Variants in BLTP2 observed in about 807,000 individuals in gnomAD.
BLTP2 encodes bridge-like lipid transfer protein family member 2, also known as U937-associated antigen.
chr17:28,615,355 T>C, the BLTP2 span: 3 of 961,206 alleles, frequency 3.1e-6, no homozygotes, highest in Non-Finnish European at 3.1e-6. Context: ...CAAGGCACAA[T>C]GGGGCAATTC....
chr17:28,638,029 G>A, the BLTP2 span: 11 of 1,614,044 alleles, frequency 6.8e-6, no homozygotes, highest in Non-Finnish European at 9.3e-6. Context: ...GTCCTCGAAT[G>A]GTACAATCAA....
the BLTP2 span, chr17:28,638,524 C>G: frequency 6.2e-7 from 1 of 1,606,438 alleles, no homozygotes; most frequent in Non-Finnish European, 8.5e-7. Flanking sequence ...AGAGCCTTAC[C>G]CAGAGAGATA....
chr17:28,645,127 C>T, the BLTP2 span: 2 of 1,339,890 alleles, frequency 1.5e-6, no homozygotes, highest in Non-Finnish European at 2.0e-6. Flanking sequence ...ATCCGCGCAG[C>T]ACCGCCGCGG....
the BLTP2 span, chr17:28,640,512 C>A: frequency 6.2e-7 from 1 of 1,606,298 alleles, no homozygotes; most frequent in Non-Finnish European, 8.5e-7. Context: ...TACCAACATA[C>A]AGCTCCCACT....
chr17:28,645,107 C>T, the BLTP2 span: 3 of 1,521,822 alleles, frequency 2.0e-6, no homozygotes, highest in Admixed American at 4.0e-5. Flanking sequence ...ATGCCGGGCC[C>T]CGACGCCGGA....
At chr17:28,637,931 G>C in the BLTP2 span, 17 of 1,614,204 alleles carry the variant, frequency 1.1e-5, no homozygotes, top group African/African-American at 1.9e-4. Context: ...AGAGTGCCTA[G>C]AGACAGCTGA....
At chr17:28,616,762 GA>G in the BLTP2 span, 1 of 1,613,544 alleles carries the variant, frequency 6.2e-7, no homozygotes, top group Non-Finnish European at 8.5e-7. The surrounding 1 kb of genome is among the most constrained non-coding windows in gnomAD (Gnocchi z 4.8). Flanking sequence ...ACCTAAAAAG[GA>G]AAAAGATTCA....
the BLTP2 span, chr17:28,638,026 A>T: frequency 6.2e-7 from 1 of 1,614,204 alleles, no homozygotes; most frequent in Non-Finnish European, 8.5e-7. Context: ...GAAGTCCTCG[A>T]ATGGTACAAT....
chr17:28,631,799 G>C, the BLTP2 span: 5 of 1,609,564 alleles, frequency 3.1e-6, 1 homozygote, highest in South Asian at 5.5e-5. Flanking sequence ...TAGGAGAAAT[G>C]AAAGGAGTCT....
the BLTP2 span, chr17:28,637,288 T>C: frequency 2.5e-6 from 2 of 796,488 alleles, no homozygotes; most frequent in Non-Finnish European, 2.1e-6. Context: ...CTCCCTAAGT[T>C]CATTTCTTAG....
At chr17:28,642,469 G>A in the BLTP2 span, 2 of 715,774 alleles carry the variant, frequency 2.8e-6, no homozygotes, top group South Asian at 3.1e-5. Flanking sequence ...GACTAACACG[G>A]TGAAACCTCA....
the BLTP2 span, chr17:28,634,087 C>T: frequency 6.2e-7 from 1 of 1,613,874 alleles, no homozygotes; most frequent in Non-Finnish European, 8.5e-7. Context: ...CTGATCCGAA[C>T]TGTTACCAGA....
the BLTP2 span, among the ~76,000 whole-genome samples, chr17:28,641,276 T>A: frequency 6.6e-6 from 1 of 152,214 alleles, no homozygotes; most frequent in Non-Finnish European, 1.5e-5. Context: ...ACTGTATTTA[T>A]TGAAAAAAAT....
chr17:28,631,766 GA>G, the BLTP2 span: 1 of 1,603,600 alleles, frequency 6.2e-7, no homozygotes. Flanking sequence ...ATGGAACTGA[GA>G]AGGGAAAAAC....
the BLTP2 span, chr17:28,642,551 T>C: frequency 1.7e-6 from 1 of 578,808 alleles, no homozygotes. Flanking sequence ...CTCGGGAGGC[T>C]GAGGCAGGAG....
At chr17:28,624,377 C>A in the BLTP2 span, 2 of 1,612,978 alleles carry the variant, frequency 1.2e-6, no homozygotes, top group Non-Finnish European at 1.7e-6. Flanking sequence ...TTAGCTTCTG[C>A]AACATGTAAG....
chr17:28,643,631 T>G, the BLTP2 span: 3 of 1,613,974 alleles, frequency 1.9e-6, no homozygotes, highest in African/African-American at 4.0e-5. Context: ...GCTAAGGAGT[T>G]TGCTGGAAAT....
chr17:28,634,643 G>C, the BLTP2 span: 1 of 1,614,216 alleles, frequency 6.2e-7, no homozygotes, highest in Non-Finnish European at 8.5e-7. Flanking sequence ...TCAGGACCAT[G>C]GAAGGAGGCA....
the BLTP2 span, chr17:28,617,109 G>T: frequency 1.7e-6 from 2 of 1,182,042 alleles, no homozygotes; most frequent in Non-Finnish European, 2.5e-6. Context: ...GCTAAGCTGG[G>T]CAAGCTTTCA....
Sources: gnomAD v4.1 joint callset for allele counts (sites outside exome capture counted in the v4.1 genomes callset) on GRCh38, gnomAD v4.1.1 for gene constraint, Gnocchi (gnomAD v3.1) non-coding constraint, MANE v1.5 for transcripts, NCBI Gene and HGNC (gene_info 2026-07-23, HGNC 2026-07-21) for gene names.